The following RBFOX1 variants were observed in gnomAD, a reference collection of about 807,000 sequenced individuals.
RBFOX1 encodes RNA binding fox-1 homolog 1.
A neutral mutation model predicts 57.7 loss-of-function variants in RBFOX1; 8 were observed. That is an observed-to-expected ratio of 0.14 (90% CI 0.08 to 0.25). The LOEUF (loss-of-function observed/expected upper bound fraction) is 0.25. Among genes scored for constraint, RBFOX1 ranks in the 10% least tolerant of loss-of-function variants. The pLI is 1.00. For synonymous variants in RBFOX1, 326 were observed against 222.4 expected, an observed-to-expected ratio of 1.47 and a Z score of -4.15; for missense variants, 611 against 548.5, an observed-to-expected ratio of 1.11 and a Z score of -1.14.
intron 2 of RBFOX1, among the ~76,000 whole-genome samples, chr16:5,562,005 G>A (rs2045906269): frequency 1.3e-5 from 2 of 152,124 alleles, no homozygotes; most frequent in Non-Finnish European, 2.9e-5. Context: ...TGGTGCTAGA[G>A]GGTGTGAAGA....
chr16:6,403,160 T>G (rs867859618), intron 2 of RBFOX1, among the ~76,000 whole-genome samples: 4 of 149,716 alleles, frequency 2.7e-5, no homozygotes, highest in Non-Finnish European at 3.0e-5. Context: ...GAGTATCACC[T>G]GGGAGATTGT....
rs755177026 is a variant in RBFOX1 at position 6,204,972 on chromosome 16, T to C, written c.-126-112023T>C. Among the ~76,000 whole-genome samples the C allele has an allele frequency of 5.4e-4, 83 of 152,330 alleles. 1 individual carries two copies. The highest frequency in any genetic ancestry group is 3.4e-3 in the Middle Eastern group (1 of 294). ...TAACTCTGCAGTAGCACAATATTATTAGCAATAAAAGGAATTTGCTTTGCC... is the reference window on the plus strand; with the variant it reads ...TAACTCTGCAGTAGCACAATATTATCAGCAATAAAAGGAATTTGCTTTGCC... On this transcript the variant is annotated intron_variant, in intron 1 of 15. Coordinates refer to ENST00000550418, the MANE Select transcript of RBFOX1 (RefSeq NM_018723.4).
At chr16:5,567,147 G>A (rs553012276) in intron 2 of RBFOX1, among the ~76,000 whole-genome samples, 1 of 152,246 alleles carries the variant, frequency 6.6e-6, no homozygotes, top group East Asian at 1.9e-4. Context: ...AACAACCGAG[G>A]GAAACAAATA....
chr16:6,874,028 G>C (rs1407307018), intron 3 of RBFOX1: 1 of 152,104 alleles, frequency 6.6e-6, no homozygotes, highest in Non-Finnish European at 1.5e-5. Flanking sequence ...AATACCTGTT[G>C]ATCCATTATC....
At chr16:7,623,953 A>G (rs1029958007) in intron 10 of RBFOX1, among the ~76,000 whole-genome samples, 7 of 152,208 alleles carry the variant, frequency 4.6e-5, no homozygotes, top group African/African-American at 1.7e-4. Flanking sequence ...CACATTCTGA[A>G]GTACTCAGAG....
At chr16:7,676,464 T>C (rs1297233595) in intron 13 of RBFOX1, among the ~76,000 whole-genome samples, 1 of 152,164 alleles carries the variant, frequency 6.6e-6, no homozygotes, top group Non-Finnish European at 1.5e-5. Context: ...ATTTAAATAA[T>C]TCCCCATAAT....
intron 4 of RBFOX1, among the ~76,000 whole-genome samples, chr16:7,268,293 A>C (rs1473996518): frequency 6.6e-6 from 1 of 152,190 alleles, no homozygotes; most frequent in East Asian, 1.9e-4. Flanking sequence ...TTTGGGTGCT[A>C]TTCAGGGAAC....
intron 1 of RBFOX1, among the ~76,000 whole-genome samples, chr16:6,313,833 A>AT (rs35918873): frequency 3.3e-5 from 5 of 151,356 alleles, no homozygotes; most frequent in Non-Finnish European, 7.4e-5. Context: ...GTTAAAAAAA[A>AT]AATAACACTA....
At chr16:6,266,906 C>T (rs1385425560) in intron 1 of RBFOX1, among the ~76,000 whole-genome samples, 4 of 152,180 alleles carry the variant, frequency 2.6e-5, no homozygotes, top group Non-Finnish European at 4.4e-5. Flanking sequence ...GATTGATTCG[C>T]TTCTGAATTC....
chr16:6,868,235 A>G (rs1006102534), intron 3 of RBFOX1, among the ~76,000 whole-genome samples: 4 of 152,166 alleles, frequency 2.6e-5, no homozygotes, highest in African/African-American at 7.2e-5. Context: ...AAACAGAAAT[A>G]CTTCGTGGTC....
intron 3 of RBFOX1, among the ~76,000 whole-genome samples, chr16:5,825,825 C>G (rs527776836): frequency 4.8e-5 from 7 of 145,982 alleles, no homozygotes; most frequent in African/African-American, 1.5e-4. Flanking sequence ...AATAATATTC[C>G]TTAATATGAA....
chr16:6,172,672 A>G (rs766899513), intron 1 of RBFOX1, among the ~76,000 whole-genome samples: 1 of 152,198 alleles, frequency 6.6e-6, no homozygotes, highest in East Asian at 1.9e-4. Context: ...TAACCTTCCT[A>G]GATGTGTTTG....
At chr16:7,057,307 C>G (rs959475654) in intron 4 of RBFOX1, among the ~76,000 whole-genome samples, 1 of 152,150 alleles carries the variant, frequency 6.6e-6, no homozygotes, top group African/African-American at 2.4e-5. Context: ...CTATCTTAAG[C>G]AGAAAAGGCA....
At chr16:6,753,053 A>G (rs923143187) in intron 3 of RBFOX1, among the ~76,000 whole-genome samples, 4 of 147,278 alleles carry the variant, frequency 2.7e-5, no homozygotes, top group Non-Finnish European at 6.0e-5. Flanking sequence ...TAGTGGTCAT[A>G]TAGTATTATT....
At chr16:7,452,740 C>T (rs969616787) in intron 4 of RBFOX1, among the ~76,000 whole-genome samples, 2 of 152,180 alleles carry the variant, frequency 1.3e-5, no homozygotes, top group Non-Finnish European at 2.9e-5. Context: ...AAAGTCATAA[C>T]TCCTGATCAT....
In RBFOX1 at chr16:5,947,389, A is replaced by G. The variant is rs187500884; in HGVS notation, c.351+80054A>G. Among the ~76,000 whole-genome samples the G allele has an allele frequency of 6.2e-4, 94 of 152,282 alleles. 2 individuals are homozygous for G. The highest frequency in any genetic ancestry group is 2.2e-3 in the African/African-American group (90 of 41,564). ...CAGATTTTTGTTCTGTTTTGTTTTC[A>G]GACAGGGTCTTGCTCTCGCTCAGAC... On this transcript the variant is annotated intron_variant, in intron 4 of 19. Transcript: ENST00000641259. The surrounding 1 kb of genome is among the most constrained non-coding windows in gnomAD (Gnocchi z 7.2).
At chr16:6,680,264 TTCTC>T (rs201442990) in intron 3 of RBFOX1, among the ~76,000 whole-genome samples, 7 of 128,304 alleles carry the variant, frequency 5.5e-5, no homozygotes, top group East Asian at 2.4e-4. Flanking sequence ...TGCTTTGCTT[TTCTC>T]TCTCTCTTTT....
intron 4 of RBFOX1, among the ~76,000 whole-genome samples, chr16:7,515,602 A>G (rs373661670): frequency 6.6e-6 from 1 of 152,170 alleles, no homozygotes; most frequent in Non-Finnish European, 1.5e-5. Flanking sequence ...TACACCTTAC[A>G]TGTATAATTT....
In RBFOX1 at chr16:5,359,978, G is replaced by C. The variant is rs76882510; in HGVS notation, c.220-107238G>C. Reference sequence around the variant, plus strand: ...CACCTCAGAATGTTTGTTCCAGAGCGAAAACAATCCAAAACATAAATTTAC... The same window carrying C: ...CACCTCAGAATGTTTGTTCCAGAGCCAAAACAATCCAAAACATAAATTTAC... On this transcript the variant is annotated intron_variant, in intron 1 of 2. Transcript: ENST00000585867. Among the ~76,000 whole-genome samples the C allele has an allele frequency of 5.3e-5, 8 of 152,290 alleles. No homozygotes were observed. In the East Asian group the frequency reaches 1.5e-3, roughly 29 times the overall value.
Sources: allele counts gnomAD v4.1 joint callset (sites outside exome capture counted in the v4.1 genomes callset), GRCh38; gene constraint gnomAD v4.1.1; non-coding constraint Gnocchi (gnomAD v3.1); transcripts MANE v1.5; gene names NCBI Gene and HGNC (gene_info 2026-07-23, HGNC 2026-07-21).